The following SCHIP1 variants were observed in gnomAD, a reference collection of about 807,000 sequenced individuals.
The protein encoded by SCHIP1 is schwannomin-interacting protein 1.
Under a neutral mutation model 29.7 loss-of-function variants are expected in SCHIP1, and 8 were observed. That is an observed-to-expected ratio of 0.27 (90% CI 0.16 to 0.49). The LOEUF (loss-of-function observed/expected upper bound fraction) is 0.49, where lower values mean the gene tolerates loss of function less well. Among genes scored for constraint, SCHIP1 ranks in the 20% least tolerant of loss-of-function variants. The pLI is 0.99. For missense variants in SCHIP1, 193 were observed against 294.6 expected (o/e 0.66, Z 2.52); for synonymous variants, 76 against 94.9 (o/e 0.80, Z 1.16).
chr3:159,302,855 C>T, the SCHIP1 span, among the ~76,000 whole-genome samples: 10 of 152,090 alleles, frequency 6.6e-5, no homozygotes, highest in South Asian at 8.3e-4. Context: ...AAACTGAGAC[C>T]GGTGGTTATC....
At chr3:159,761,670 C>T in the SCHIP1 span, among the ~76,000 whole-genome samples, 1 of 152,202 alleles carries the variant, frequency 6.6e-6, no homozygotes, top group Admixed American at 6.5e-5. Context: ...GAAGGGAAAC[C>T]TGGTACTTTC....
the SCHIP1 span, among the ~76,000 whole-genome samples, chr3:159,626,004 A>G: frequency 1.3e-5 from 2 of 151,618 alleles, no homozygotes; most frequent in Non-Finnish European, 2.9e-5. Context: ...TTTGACATGA[A>G]CAGCGATGGT....
the SCHIP1 span, among the ~76,000 whole-genome samples, chr3:159,804,277 G>A: frequency 1.3e-5 from 2 of 152,208 alleles, no homozygotes; most frequent in Admixed American, 6.5e-5. Flanking sequence ...CAGAGAGCTG[G>A]AACTGGAGGC....
chr3:159,388,874 C>T, the SCHIP1 span, among the ~76,000 whole-genome samples: 2 of 152,172 alleles, frequency 1.3e-5, no homozygotes, highest in Admixed American at 6.5e-5. Context: ...CATAAATCTT[C>T]ATCCTTTCCT....
the SCHIP1 span, among the ~76,000 whole-genome samples, chr3:159,453,629 CAAGT>C: frequency 6.6e-6 from 1 of 152,088 alleles, no homozygotes; most frequent in African/African-American, 2.4e-5. Context: ...CCATCATAAT[CAAGT>C]AAGATAAAGG....
chr3:159,609,854 A>C, the SCHIP1 span, among the ~76,000 whole-genome samples: 3 of 152,112 alleles, frequency 2.0e-5, no homozygotes, highest in Admixed American at 2.0e-4. Flanking sequence ...TTATTTGCTA[A>C]GCGATGGAAA....
chr3:159,398,753 T>A, the SCHIP1 span: 1 of 152,328 alleles, frequency 6.6e-6, no homozygotes. Context: ...GATTCCCAGG[T>A]TTCTGGCTTG....
the SCHIP1 span, among the ~76,000 whole-genome samples, chr3:159,460,273 T>C: frequency 6.6e-6 from 1 of 152,202 alleles, no homozygotes; most frequent in South Asian, 2.1e-4. Context: ...GCTGAAGCTA[T>C]CCAGGACACA....
At chr3:159,722,417 G>A in the SCHIP1 span, 3 of 152,110 alleles carry the variant, frequency 2.0e-5, no homozygotes, top group Non-Finnish European at 4.4e-5. Flanking sequence ...AATAATAATC[G>A]GCACTTCTCA....
chr3:159,275,671 A>G, the SCHIP1 span, among the ~76,000 whole-genome samples: 5 of 152,114 alleles, frequency 3.3e-5, no homozygotes, highest in Admixed American at 6.5e-5. Context: ...ATTGTTGTCT[A>G]TGTATTTATT....
the SCHIP1 span, among the ~76,000 whole-genome samples, chr3:159,366,019 A>T: frequency 6.6e-6 from 1 of 152,276 alleles, no homozygotes; most frequent in Middle Eastern, 3.4e-3. Flanking sequence ...GTTGTTGTTT[A>T]TAAAGGAGAG....
the SCHIP1 span, among the ~76,000 whole-genome samples, chr3:159,596,812 G>A: frequency 3.3e-5 from 5 of 152,070 alleles, 1 homozygote; most frequent in East Asian, 7.8e-4. Flanking sequence ...GTGGGTGGAG[G>A]GGGGAGGGAT....
At chr3:159,335,875 C>T in the SCHIP1 span, among the ~76,000 whole-genome samples, 12 of 152,188 alleles carry the variant, frequency 7.9e-5, no homozygotes, top group East Asian at 1.9e-4. Flanking sequence ...GGGATGGCTG[C>T]GTCAAATGGT....
At chr3:159,721,002 T>A in the SCHIP1 span, among the ~76,000 whole-genome samples, 1 of 152,246 alleles carries the variant, frequency 6.6e-6, no homozygotes, top group Admixed American at 6.5e-5. Context: ...TTTTGCTTTT[T>A]CTTTCTTAAT....
At chr3:159,298,562 C>G in the SCHIP1 span, among the ~76,000 whole-genome samples, 1 of 152,142 alleles carries the variant, frequency 6.6e-6, no homozygotes, top group Admixed American at 6.6e-5. Flanking sequence ...ATTAAGGGCC[C>G]TGTAAGTTAG....
At chr3:159,806,793 C>T in the SCHIP1 span, among the ~76,000 whole-genome samples, 2 of 152,214 alleles carry the variant, frequency 1.3e-5, no homozygotes, top group Middle Eastern at 3.2e-3. Context: ...TGGAGGCATG[C>T]ACCATCTTTC....
At chr3:159,289,113 G>A in the SCHIP1 span, among the ~76,000 whole-genome samples, 1 of 152,038 alleles carries the variant, frequency 6.6e-6, no homozygotes, top group African/African-American at 2.4e-5. Context: ...CATCAGCATT[G>A]CCAACACCCT....
chr3:159,750,259 GTGTGTATATATATATATATATA>G, the SCHIP1 span, among the ~76,000 whole-genome samples: 1 of 11,892 alleles, frequency 8.4e-5, no homozygotes, highest in East Asian at 1.1e-3. Context: ...GTGTATGTGT[GTGTGTATATATATATATATATA>G]TATATATATA....
chr3:159,649,598 G>A, the SCHIP1 span, among the ~76,000 whole-genome samples: 1 of 152,064 alleles, frequency 6.6e-6, no homozygotes, highest in African/African-American at 2.4e-5. Flanking sequence ...AAAACTAATT[G>A]AAGAATCAAA....
Sources: gnomAD v4.1 joint callset for allele counts (sites outside exome capture counted in the v4.1 genomes callset) on GRCh38, gnomAD v4.1.1 for gene constraint, MANE v1.5 for transcripts, NCBI Gene and HGNC (gene_info 2026-07-23, HGNC 2026-07-21) for gene names.